The following PALLD variants were observed in gnomAD, a reference collection of about 807,000 sequenced individuals.
PALLD encodes palladin.
PALLD carries 61 observed loss-of-function variants against 123.5 expected under a neutral mutation model. The ratio of observed to expected loss-of-function variants is 0.49; its 90% CI spans 0.40 to 0.61. The LOEUF is 0.61. Ranked by LOEUF, PALLD falls within the 20% of genes least tolerant of loss-of-function variation. The pLI is 0.00. For missense variants in PALLD, 1,273 were observed against 1,377.0 expected, an observed-to-expected ratio of 0.92 and a Z score of 1.20; for synonymous variants, 465 against 496.4, an observed-to-expected ratio of 0.94 and a Z score of 0.84.
chr4:168,683,161 A>T (rs1035984194), intron 5 of PALLD, 58 bp downstream of exon 5: 20 of 915,198 alleles, frequency 2.2e-5, no homozygotes, highest in Non-Finnish European at 3.2e-5. Flanking sequence ...AAACTTGTGG[A>T]TTTTAAGAAT....
chr4:168,740,509 G>A (rs1235143399), intron 10 of PALLD, among the ~76,000 whole-genome samples: 1 of 151,974 alleles, frequency 6.6e-6, no homozygotes. Flanking sequence ...TTTCTGAGCT[G>A]GAATTGACAG....
chr4:168,802,898 C>G (rs11941190), intron 10 of PALLD, among the ~76,000 whole-genome samples: 7,919 of 152,146 alleles, frequency 0.052, 709 homozygotes, highest in African/African-American at 0.18. Flanking sequence ...CTCCATGTTG[C>G]TGAGGCTGGT....
intron 3 of PALLD, among the ~76,000 whole-genome samples, chr4:168,670,765 C>CAAAAAAAAAAAAAAAA (rs367710328): frequency 9.1e-6 from 1 of 109,508 alleles, no homozygotes; most frequent in Non-Finnish European, 1.8e-5. Context: ...ACAAAAAAAA[C>CAAAAAAAAAAAAAAAA]AAAAAAAAAC....
chr4:168,877,019 A>T (rs1315269398), intron 10 of PALLD, among the ~76,000 whole-genome samples: 3 of 152,210 alleles, frequency 2.0e-5, no homozygotes, highest in African/African-American at 7.2e-5. Context: ...TCATTACAAA[A>T]TTTTTGCTAT....
In PALLD at chr4:168,600,129, A is replaced by G. The variant is rs143600143; in HGVS notation, c.909-68061A>G. Among the ~76,000 whole-genome samples the G allele has an allele frequency of 8.9e-3, 1,337 of 150,470 alleles. 8 individuals are homozygous for G. Among genetic ancestry groups the G allele is most frequent in the Middle Eastern group, 0.031 (9 of 294 alleles). ...CACATATATATACATACATGTGTAT[A>G]CACACATATATACATATACACTATA... On this transcript the variant is annotated intron_variant, in intron 2 of 21. Coordinates refer to ENST00000505667, the MANE Select transcript of PALLD (RefSeq NM_001166108.2).
intron 10 of PALLD, among the ~76,000 whole-genome samples, chr4:168,836,428 T>C (rs1745195888): frequency 6.6e-6 from 1 of 152,190 alleles, no homozygotes; most frequent in Non-Finnish European, 1.5e-5. Context: ...AAGCTTTGTA[T>C]TTTTTTCATA....
intron 2 of PALLD, 128 bp from the exon 3 acceptor site, chr4:168,668,062 A>ACTGT (rs1475424717): frequency 8.6e-5 from 65 of 754,606 alleles, no homozygotes; most frequent in African/African-American, 8.1e-4. Context: ...TAACACTGAC[A>ACTGT]TTGTTTTTTT....
chr4:168,786,077 C>T (rs1277628931), intron 10 of PALLD, among the ~76,000 whole-genome samples: 1 of 151,758 alleles, frequency 6.6e-6, no homozygotes, highest in African/African-American at 2.4e-5. Context: ...TGCCTGTAAT[C>T]CCAACACTTT....
chr4:168,736,991 T>C (rs1787824629), intron 10 of PALLD, among the ~76,000 whole-genome samples: 1 of 152,206 alleles, frequency 6.6e-6, no homozygotes, highest in South Asian at 2.1e-4. Context: ...AAGATTTATA[T>C]GTGTGTGTTC....
At position 168,878,234 on chromosome 4, in the gene PALLD, C is replaced by T. The variant is rs1483951042; in HGVS notation, c.1965-12688C>T. The T allele has an allele frequency of 1.3e-6, 2 of 1,518,892 alleles. No individual in the cohort carries two copies. Among genetic ancestry groups the T allele is most frequent in the Admixed American group, 4.0e-5 (2 of 49,830 alleles). 94.1% of individuals were successfully genotyped at this position (1,518,892 alleles called of 1,614,324 possible). A position where few individuals can be genotyped will look rare whatever the true frequency, so the allele number is the denominator to read the frequency against. Reference sequence around the variant, plus strand: ...CGTGTTCCCACTGCCGCCGCCACCACCGCCGCTCCCGAGCCCGGGACAGGC... The same window carrying T: ...CGTGTTCCCACTGCCGCCGCCACCATCGCCGCTCCCGAGCCCGGGACAGGC... On this transcript the variant is annotated intron_variant, in intron 10 of 21. Transcript: ENST00000505667.
intron 10 of PALLD, among the ~76,000 whole-genome samples, chr4:168,713,506 T>C (rs11936298): frequency 0.012 from 1,761 of 152,268 alleles, 26 homozygotes; most frequent in African/African-American, 0.04. Context: ...ATAAATTGGA[T>C]GTAAATCACA....
At chr4:168,738,533 C>T (rs1041552841) in intron 10 of PALLD, among the ~76,000 whole-genome samples, 13 of 151,188 alleles carry the variant, frequency 8.6e-5, no homozygotes, top group African/African-American at 2.7e-4. Context: ...CAGGTTCAAG[C>T]AATTCTCCTG....
chr4:168,600,306 A>T (rs1367391452), intron 2 of PALLD, among the ~76,000 whole-genome samples: 3 of 152,144 alleles, frequency 2.0e-5, no homozygotes, highest in African/African-American at 7.2e-5. Flanking sequence ...TGGGGATTAG[A>T]CTAAAAGGAC....
chr4:168,617,814 G>T (rs1372077135), intron 2 of PALLD, among the ~76,000 whole-genome samples: 1 of 152,180 alleles, frequency 6.6e-6, no homozygotes. Context: ...CAAATATTAT[G>T]ATGGTTATTT....
intron 10 of PALLD, among the ~76,000 whole-genome samples, chr4:168,783,788 G>T (rs1736290914): frequency 6.6e-6 from 1 of 152,180 alleles, no homozygotes; most frequent in Non-Finnish European, 1.5e-5. Context: ...ATGGAGTCAG[G>T]TTGAGGACAA....
intron 10 of PALLD, among the ~76,000 whole-genome samples, chr4:168,858,107 A>T (rs1331508827): frequency 6.6e-6 from 1 of 152,238 alleles, no homozygotes; most frequent in African/African-American, 2.4e-5. Flanking sequence ...GATTTGAAGA[A>T]GTTTTCCTAA....
chr4:168,925,099 T>C (rs747920703), intron 20 of PALLD, 21 bp downstream of exon 20: 10 of 1,613,196 alleles, frequency 6.2e-6, no homozygotes, highest in Non-Finnish European at 8.5e-6. Context: ...CTTCATCTCA[T>C]TTCATTGCGT....
intron 2 of PALLD, among the ~76,000 whole-genome samples, chr4:168,591,020 C>T (rs560086082): frequency 5.9e-5 from 9 of 151,846 alleles, no homozygotes; most frequent in South Asian, 2.1e-4. Flanking sequence ...GCTGGGATTA[C>T]GGGCCTGTGC....
intron 10 of PALLD, among the ~76,000 whole-genome samples, chr4:168,773,168 G>A (rs970763701): frequency 6.6e-6 from 1 of 152,120 alleles, no homozygotes; most frequent in Non-Finnish European, 1.5e-5. Context: ...AAATTATATT[G>A]TTTAGAATAT....
Sources: allele counts gnomAD v4.1 joint callset (sites outside exome capture counted in the v4.1 genomes callset), GRCh38; gene constraint gnomAD v4.1.1; transcripts MANE v1.5; gene names NCBI Gene and HGNC (gene_info 2026-07-23, HGNC 2026-07-21).